The following CSNK2B variants were observed in gnomAD, a reference collection of about 807,000 sequenced individuals.
CSNK2B encodes casein kinase II subunit beta.
In CSNK2B, 2 loss-of-function variants were observed where a neutral mutation model predicts 28.8. The observed-to-expected ratio is 0.07, with a 90% CI of 0.03 to 0.22. CSNK2B has a LOEUF of 0.22. CSNK2B is among the 10% of genes least tolerant of loss of function. The pLI, the probability that CSNK2B is intolerant of heterozygous loss-of-function variation, is 1.00. For synonymous variants in CSNK2B, 89 were observed against 96.1 expected, an observed-to-expected ratio of 0.93 and a Z score of 0.43; for missense variants, 107 against 277.9, an observed-to-expected ratio of 0.39 and a Z score of 4.37.
In CSNK2B at chr6:31,669,937, C is replaced by G. The variant is rs775573534; in HGVS notation, c.*11C>G. The G allele has an allele frequency of 1.5e-5, 24 of 1,610,554 alleles. 1 individual carries two copies. The highest frequency in any genetic ancestry group is 1.8e-5 in the Non-Finnish European group (21 of 1,178,752). On this transcript the variant is annotated 3_prime_UTR_variant, in exon 7 of 7. Coordinates refer to ENST00000375882, the MANE Select transcript of CSNK2B (RefSeq NM_001320.7). The surrounding 1 kb of genome is among the most constrained non-coding windows in gnomAD (Gnocchi z 4.8). Reference sequence around the variant, plus strand: ...AAGACGATTCGCTGATTCCCTCCCCCACCTGTCCTGCAGTCTTTGACTTTT... The same window carrying G: ...AAGACGATTCGCTGATTCCCTCCCCGACCTGTCCTGCAGTCTTTGACTTTT...
chr6:31,669,221 G>C lies in CSNK2B; in HGVS notation c.367+49G>C. 1 of 1,605,346 alleles carries C rather than the reference G, an allele frequency of 6.2e-7. No homozygotes were observed. Among genetic ancestry groups the C allele is most frequent in the Non-Finnish European group, 8.5e-7 (1 of 1,172,296 alleles). On this transcript the variant is annotated intron_variant, in intron 5 of 6. Coordinates refer to ENST00000375882, the MANE Select transcript of CSNK2B (RefSeq NM_001320.7). The surrounding 1 kb of genome is among the most constrained non-coding windows in gnomAD (Gnocchi z 4.8). ...AAAGCACCGTGTGGCAGTCTTATGG[G>C]AAGGAGTTGGGGCTCAACACATTGG...
chr6:31,668,088 A>G (rs1262676175), intron 3 of CSNK2B, 118 bp downstream of exon 3: 1 of 742,826 alleles, frequency 1.3e-6, no homozygotes, highest in Non-Finnish European at 2.4e-6. Flanking sequence ...TTAACCCCAA[A>G]TTCATGCTTT....
intron 1 of CSNK2B, among the ~76,000 whole-genome samples, 159 bp from the exon 2 acceptor site, chr6:31,666,662 A>T (rs1424749709): frequency 6.6e-6 from 1 of 152,046 alleles, no homozygotes; most frequent in Non-Finnish European, 1.5e-5. Context: ...CTGAGATGTA[A>T]ATTAGAGGAG....
intron 2 of CSNK2B, 118 bp downstream of exon 2, chr6:31,667,021 C>A: frequency 1.1e-6 from 1 of 897,396 alleles, no homozygotes; most frequent in Non-Finnish European, 1.8e-6. Flanking sequence ...TTCCTATCAG[C>A]AAAGAGTCCC....
intron 1 of CSNK2B, chr6:31,666,492 G>A: frequency 2.5e-6 from 1 of 403,146 alleles, no homozygotes; most frequent in Non-Finnish European, 4.5e-6. Context: ...GTATTGGTAG[G>A]GAGCCTGAGT....
intron 1 of CSNK2B, 118 bp from the exon 2 acceptor site, chr6:31,666,703 C>A: frequency 2.8e-6 from 2 of 723,286 alleles, no homozygotes; most frequent in Non-Finnish European, 2.3e-6. Flanking sequence ...GTTTGGGTTG[C>A]TTTAAGAAAG....
chr6:31,666,750 T>G, intron 1 of CSNK2B, 71 bp from the exon 2 acceptor site: 1 of 1,283,918 alleles, frequency 7.8e-7, no homozygotes, highest in Non-Finnish European at 1.1e-6. Flanking sequence ...GAGGGCCGAA[T>G]GTGGGAGGAG....
Position 31,667,990 on chromosome 6 carries a change from G to GT in CSNK2B, c.175+24dup. 6.6e-7 allele frequency: 1 copy of GT among 1,522,514 alleles called. No homozygotes were observed. Among genetic ancestry groups the GT allele is most frequent in the Non-Finnish European group, 9.1e-7 (1 of 1,097,848 alleles). The allele number at this position is 1,522,514 out of a possible 1,614,324, so 94.3% of individuals were successfully genotyped here. ...AGCCTGGTGAGGCACCCTCAGGGTT[G>GT]TTTTGTGTGTGTGCGTGCACTATTT... On this transcript the variant is annotated intron_variant, in intron 3 of 6. Coordinates refer to ENST00000375882, the MANE Select transcript of CSNK2B (RefSeq NM_001320.7).
In CSNK2B at chr6:31,669,461, G is replaced by A. The variant is rs1802027593; in HGVS notation, c.510G>A (p.Val170=). 6.2e-7 allele frequency: 1 copy of A among 1,613,148 alleles called. No individual in the cohort carries two copies. The highest frequency in any genetic ancestry group is 1.3e-5 in the African/African-American group (1 of 74,934). Reference sequence around the variant, plus strand: ...GTTTCCCTCACATGCTCTTCATGGTGCATCCCGAGTACCGGCCCAAGAGAC... The same window carrying A: ...GTTTCCCTCACATGCTCTTCATGGTACATCCCGAGTACCGGCCCAAGAGAC... ...GTGFPHMLFM[V]HPEYRPKRPA... is the part of the protein sequence containing the mutation. Residue 170 remains valine, a synonymous_variant, in exon 6 of 7, where the codon GTG becomes GTA. Coordinates refer to ENST00000375882, the MANE Select transcript of CSNK2B (RefSeq NM_001320.7). The surrounding 1 kb of genome is among the most constrained non-coding windows in gnomAD (Gnocchi z 4.8).
At chr6:31,666,733 G>A in intron 1 of CSNK2B, 88 bp from the exon 2 acceptor site, 1 of 1,048,162 alleles carries the variant, frequency 9.5e-7, no homozygotes, top group Non-Finnish European at 1.4e-6. Context: ...GAATTCTCCC[G>A]TGGTTGGAGG....
intron 3 of CSNK2B, chr6:31,668,204 T>C (rs1801928830): frequency 6.5e-6 from 4 of 613,478 alleles, no homozygotes; most frequent in East Asian, 2.8e-5. Context: ...CGTTTCCTCA[T>C]GGGTCTGGTT....
chr6:31,666,976 C>A, intron 2 of CSNK2B, 73 bp downstream of exon 2: 2 of 1,201,896 alleles, frequency 1.7e-6, no homozygotes, highest in Non-Finnish European at 2.5e-6. Flanking sequence ...ACATATTCCA[C>A]TTCTGCACTG....
Position 31,667,412 on chromosome 6 carries a change from G to A in CSNK2B, c.73-456G>A, listed in dbSNP as rs1024191144. On this transcript the variant is annotated intron_variant, in intron 2 of 6. Coordinates refer to ENST00000375882, the MANE Select transcript of CSNK2B (RefSeq NM_001320.7). ...CTCCCAAAGTGCTGGGATTACAGGC[G>A]TGAGCCATTGCGCCCGGCCTGTATC... The A allele has an allele frequency of 7.4e-5, 26 of 351,008 alleles. No homozygotes were observed. In the Admixed American group the frequency reaches 9.4e-4, roughly 13 times the overall value. 21.7% of individuals were successfully genotyped at this position (351,008 alleles called of 1,614,324 possible).
At chr6:31,668,734 C>T (rs766995718) in intron 4 of CSNK2B, 80 bp downstream of exon 4, 2 of 1,348,242 alleles carry the variant, frequency 1.5e-6, no homozygotes, top group South Asian at 1.2e-5. Flanking sequence ...CATGTTTAAG[C>T]CCTGTTTAAG....
chr6:31,666,932 C>T (rs1801765636), intron 2 of CSNK2B, 29 bp downstream of exon 2: 1 of 1,543,502 alleles, frequency 6.5e-7, no homozygotes, highest in African/African-American at 1.4e-5. Flanking sequence ...CCCTACTTGC[C>T]AGCTTCACAT....
intron 1 of CSNK2B, 52 bp downstream of exon 1, chr6:31,666,260 A>G (rs1483534189): frequency 1.2e-5 from 11 of 894,554 alleles, no homozygotes; most frequent in Non-Finnish European, 1.5e-5. Context: ...GGAGCGGCAC[A>G]TGGGGTCTCC....
Position 31,669,038 on chromosome 6 carries a change from A to G in CSNK2B, c.292-59A>G, listed in dbSNP as rs959877906. On this transcript the variant is annotated intron_variant, in intron 4 of 6. Coordinates refer to ENST00000375882, the MANE Select transcript of CSNK2B (RefSeq NM_001320.7). This position sits in a 1 kb window ranked among gnomAD's most constrained non-coding sequence, Gnocchi z 4.8. ...ACAGAGTGGTATGGGTTGGGCTGCGAAGGGAGTTGCCTCTTCTTTACATCT... is the reference window on the plus strand; with the variant it reads ...ACAGAGTGGTATGGGTTGGGCTGCGGAGGGAGTTGCCTCTTCTTTACATCT... The G allele has an allele frequency of 9.6e-6, 13 of 1,358,652 alleles. No individual in the cohort carries two copies. The highest frequency in any genetic ancestry group is 1.4e-5 in the Non-Finnish European group (13 of 949,430). 84.2% of individuals were successfully genotyped at this position (1,358,652 alleles called of 1,614,324 possible).
chr6:31,666,595 G>C (rs1274790277), intron 1 of CSNK2B: 1 of 581,390 alleles, frequency 1.7e-6, no homozygotes, highest in Admixed American at 3.1e-5. Flanking sequence ...CAAAGTATCT[G>C]TTGGCTTCTT....
chr6:31,666,630 GT>G, intron 1 of CSNK2B, 190 bp from the exon 2 acceptor site: 3 of 597,310 alleles, frequency 5.0e-6, no homozygotes, highest in South Asian at 4.2e-5. Context: ...CCCAAAGAAT[GT>G]TTAACTTCAA....
Sources: gnomAD v4.1 joint callset for allele counts (sites outside exome capture counted in the v4.1 genomes callset) on GRCh38, gnomAD v4.1.1 for gene constraint, Gnocchi (gnomAD v3.1) non-coding constraint, MANE v1.5 for transcripts, NCBI Gene and HGNC (gene_info 2026-07-23, HGNC 2026-07-21) for gene names.